The following CBFA2T3 variants were observed in gnomAD, a reference collection of about 807,000 sequenced individuals.
The protein encoded by CBFA2T3 is transcriptional corepressor CBFA2T3.
CBFA2T3 carries 31 observed loss-of-function variants against 58.6 expected under a neutral mutation model. That is an observed-to-expected ratio of 0.53 (90% confidence interval 0.40 to 0.71). The LOEUF (loss-of-function observed/expected upper bound fraction) is 0.71, where lower values mean the gene tolerates loss of function less well. Among genes scored for constraint, CBFA2T3 ranks in the 30% least tolerant of loss-of-function variants. The pLI is 0.00. For synonymous variants in CBFA2T3, 531 were observed against 421.9 expected (o/e 1.26, Z -3.17); for missense variants, 1,076 against 963.1 (o/e 1.12, Z -1.55).
intron 3 of CBFA2T3, 47 bp from the exon 4 acceptor site, chr16:88,892,532 C>A: frequency 1.2e-6 from 2 of 1,605,356 alleles, no homozygotes; most frequent in African/African-American, 1.3e-5. Context: ...ATGGTGACAA[C>A]ACAACCCAGA....
chr16:88,900,957 G>A (rs1336734427), intron 2 of CBFA2T3, among the ~76,000 whole-genome samples: 1 of 152,238 alleles, frequency 6.6e-6, no homozygotes, highest in Admixed American at 6.5e-5. Flanking sequence ...CTGTGCCAAG[G>A]CCCCCACCCT....
chr16:88,887,982 C>A (rs1212436465), intron 5 of CBFA2T3, among the ~76,000 whole-genome samples: 1 of 152,174 alleles, frequency 6.6e-6, no homozygotes, highest in African/African-American at 2.4e-5. Context: ...TGGGCTCTGC[C>A]ATAGAGGGGC....
chr16:88,953,743 C>T lies in CBFA2T3; in HGVS notation c.151+22914G>A, dbSNP rs767918074. Reference sequence around the variant, plus strand: ...GCCTATTGAAGGCACAGTTTACTCCCGGGAAAATAAACATTTGGGTTTATT... The same window carrying T: ...GCCTATTGAAGGCACAGTTTACTCCTGGGAAAATAAACATTTGGGTTTATT... On this transcript the variant is annotated intron_variant, in intron 1 of 11. Transcript: ENST00000268679. The surrounding 1 kb of genome is among the most constrained non-coding windows in gnomAD (Gnocchi z 4.9). Among the ~76,000 whole-genome samples, 7 of 152,158 alleles carry T rather than the reference C, an allele frequency of 4.6e-5. No homozygotes were observed. Among genetic ancestry groups the T allele is most frequent in the African/African-American group, 7.2e-5 (3 of 41,416 alleles).
intron 10 of CBFA2T3, chr16:88,879,814 G>A (rs1171173364): frequency 2.0e-5 from 5 of 246,152 alleles, no homozygotes; most frequent in East Asian, 1.5e-4. Context: ...GGGCAAGGGC[G>A]AGGCCCACCC....
chr16:88,942,749 C>T (rs966037533), intron 1 of CBFA2T3, among the ~76,000 whole-genome samples: 40 of 152,236 alleles, frequency 2.6e-4, no homozygotes, highest in African/African-American at 9.4e-4. Context: ...AAAATTGTGA[C>T]ACAAACGCCA....
intron 1 of CBFA2T3, among the ~76,000 whole-genome samples, chr16:88,927,731 G>A (rs1377020776): frequency 2.6e-5 from 4 of 152,190 alleles, no homozygotes; most frequent in African/African-American, 4.8e-5. Context: ...CCCAGGCCCC[G>A]GAGGCCCAGC....
chr16:88,877,893 G>A (rs951672273), intron 11 of CBFA2T3, among the ~76,000 whole-genome samples: 13 of 152,340 alleles, frequency 8.5e-5, no homozygotes, highest in Admixed American at 7.2e-4. Flanking sequence ...TCTCACAGAC[G>A]GTTGGGCTGT....
At chr16:88,913,439 G>A (rs1045061210) in intron 1 of CBFA2T3, among the ~76,000 whole-genome samples, 2 of 152,248 alleles carry the variant, frequency 1.3e-5, no homozygotes, top group Non-Finnish European at 2.9e-5. Context: ...GTTACATGGC[G>A]ATAGCTGACT....
chr16:88,901,484 G>A lies in CBFA2T3; in HGVS notation c.304+20C>T, dbSNP rs768182034. 2.1e-6 allele frequency: 3 copies of A among 1,403,196 alleles called. No individual in the cohort carries two copies. The highest frequency in any genetic ancestry group is 1.5e-5 in the South Asian group (1 of 68,178). 86.9% of individuals were successfully genotyped at this position (1,403,196 alleles called of 1,614,324 possible). A position where few individuals can be genotyped will look rare whatever the true frequency, so the allele number is the denominator to read the frequency against. ...CCCCTGAAACACCTGGCCCTCGGCT[G>A]CCAGGTGGGGGCTACTTACGTGTGT... is the stretch of plus-strand genomic sequence containing the variant. On this transcript the variant is annotated intron_variant, in intron 2 of 11. Transcript: ENST00000268679.
chr16:88,965,217 T>C (rs1279366185), intron 1 of CBFA2T3, among the ~76,000 whole-genome samples: 1 of 151,806 alleles, frequency 6.6e-6, no homozygotes, highest in Non-Finnish European at 1.5e-5. Context: ...TTTGAATTAA[T>C]ATCTGACAAA....
chr16:88,879,882 G>A (rs151177336), intron 10 of CBFA2T3: 91 of 178,760 alleles, frequency 5.1e-4, no homozygotes, highest in African/African-American at 2.1e-3. Context: ...CGAGCCGGGG[G>A]AGCTGCTGCT....
chr16:88,923,873 G>A (rs1212528778), intron 1 of CBFA2T3, among the ~76,000 whole-genome samples: 1 of 152,332 alleles, frequency 6.6e-6, no homozygotes, highest in East Asian at 1.9e-4. Flanking sequence ...GCCGGGGGAG[G>A]AGCCCAGTCA....
intron 2 of CBFA2T3, among the ~76,000 whole-genome samples, chr16:88,899,938 C>T (rs1028909052): frequency 5.3e-5 from 8 of 152,128 alleles, no homozygotes; most frequent in African/African-American, 9.7e-5. Flanking sequence ...AGAGACGGCC[C>T]GTGGTTTGTA....
At chr16:88,962,842 G>A (rs752420535) in intron 1 of CBFA2T3, among the ~76,000 whole-genome samples, 3 of 152,190 alleles carry the variant, frequency 2.0e-5, no homozygotes, top group East Asian at 1.9e-4. Flanking sequence ...GACCCTGCAC[G>A]GCTTCTGAGC....
chr16:88,959,510 G>A (rs1351304326), intron 1 of CBFA2T3, among the ~76,000 whole-genome samples: 1 of 152,196 alleles, frequency 6.6e-6, no homozygotes, highest in Non-Finnish European at 1.5e-5. Context: ...GCAGGCAGAG[G>A]CAGGAGGTGG....
chr16:88,969,925 A>G (rs1241535866), intron 1 of CBFA2T3, among the ~76,000 whole-genome samples: 1 of 152,250 alleles, frequency 6.6e-6, no homozygotes, highest in Non-Finnish European at 1.5e-5. Flanking sequence ...GAGCCCCAGA[A>G]GCTGTGGCTG....
chr16:88,925,027 G>C (rs1299473865), intron 1 of CBFA2T3, among the ~76,000 whole-genome samples: 2 of 152,254 alleles, frequency 1.3e-5, no homozygotes, highest in Non-Finnish European at 2.9e-5. Context: ...TGCTGTGTCT[G>C]CGAGGGGTCT....
chr16:88,975,259 G>GCTCCTCACCTGCAGCCA (rs1597806835), intron 1 of CBFA2T3, among the ~76,000 whole-genome samples: 1 of 109,328 alleles, frequency 9.1e-6, no homozygotes. Context: ...CTGACCCTCT[G>GCTCCTCACCTGCAGCCA]TTTCATGCCT....
intron 5 of CBFA2T3, among the ~76,000 whole-genome samples, chr16:88,891,625 G>C (rs1005323780): frequency 6.6e-6 from 1 of 152,232 alleles, no homozygotes; most frequent in African/African-American, 2.4e-5. Context: ...TTTAAGGGCT[G>C]ATAATCATCC....
Sources: allele counts gnomAD v4.1 joint callset (sites outside exome capture counted in the v4.1 genomes callset), GRCh38; gene constraint gnomAD v4.1.1; non-coding constraint Gnocchi (gnomAD v3.1); transcripts MANE v1.5; gene names NCBI Gene and HGNC (gene_info 2026-07-23, HGNC 2026-07-21).